The following ARHGAP26 variants were observed in gnomAD, a reference collection of about 807,000 sequenced individuals.
ARHGAP26 encodes the protein rho GTPase-activating protein 26.
Under a neutral mutation model 104.8 loss-of-function variants are expected in ARHGAP26, and 38 were observed. The observed-to-expected ratio is 0.36, with a 90% confidence interval of 0.28 to 0.48. The LOEUF is 0.48. Among genes scored for constraint, ARHGAP26 ranks in the 20% least tolerant of loss-of-function variants. The probability of loss-of-function intolerance (pLI) is 0.99; values close to 1 mark genes in which losing one functional copy is unlikely to be tolerated. For synonymous variants in ARHGAP26, 341 were observed against 340.0 expected (o/e 1.00, Z -0.03); for missense variants, 704 against 947.9 (o/e 0.74, Z 3.38).
At chr5:142,829,127 C>CT (rs1262558123) in intron 1 of ARHGAP26, among the ~76,000 whole-genome samples, 2 of 152,172 alleles carry the variant, frequency 1.3e-5, no homozygotes, top group Non-Finnish European at 2.9e-5. Context: ...GGAGAGGAGG[C>CT]TTTGAGATTT....
At chr5:143,220,911 G>A (rs144901276) in intron 22 of ARHGAP26, among the ~76,000 whole-genome samples, 136 of 152,304 alleles carry the variant, frequency 8.9e-4, no homozygotes, top group African/African-American at 3.2e-3. Context: ...ACTGAAACTA[G>A]AATTCTGTAG....
chr5:142,785,304 A>C (rs747649530), intron 1 of ARHGAP26, among the ~76,000 whole-genome samples: 3 of 152,184 alleles, frequency 2.0e-5, no homozygotes, highest in Non-Finnish European at 2.9e-5. Context: ...AGTGCATCCA[A>C]ACAATTTGCA....
At chr5:143,058,095 GAACA>G (rs1786123265) in intron 17 of ARHGAP26, 1 of 478,252 alleles carries the variant, frequency 2.1e-6, no homozygotes, top group Non-Finnish European at 4.1e-6. Flanking sequence ...TGCTCATCAA[GAACA>G]AACAAAAATA....
At chr5:143,206,552 A>G (rs1055801284) in intron 20 of ARHGAP26, among the ~76,000 whole-genome samples, 16 of 152,192 alleles carry the variant, frequency 1.1e-4, no homozygotes. Flanking sequence ...ATTCCACGAA[A>G]GGAGAAAGGG....
At chr5:142,820,089 C>A (rs1260243160) in intron 1 of ARHGAP26, among the ~76,000 whole-genome samples, 2 of 152,138 alleles carry the variant, frequency 1.3e-5, no homozygotes, top group African/African-American at 4.8e-5. Flanking sequence ...TTCCAATTTC[C>A]TTCCCCAGAG....
At chr5:143,083,796 G>C (rs1455397812) in intron 17 of ARHGAP26, among the ~76,000 whole-genome samples, 4 of 152,172 alleles carry the variant, frequency 2.6e-5, no homozygotes, top group Non-Finnish European at 5.9e-5. Flanking sequence ...ACTGCACCCA[G>C]CTGCTTTTTT....
chr5:143,072,808 G>T (rs1029933972), intron 17 of ARHGAP26, among the ~76,000 whole-genome samples: 1 of 152,152 alleles, frequency 6.6e-6, no homozygotes, highest in Admixed American at 6.5e-5. Flanking sequence ...ATTTGTTAAA[G>T]ATACAAAATT....
intron 11 of ARHGAP26, chr5:142,947,118 A>AAAAAAAAGAGAG (rs1336588621): frequency 6.9e-6 from 1 of 144,520 alleles, no homozygotes; most frequent in African/African-American, 2.7e-5. Context: ...AAAAAAAAAA[A>AAAAAAAAGAGAG]AGAGAGAGAG....
chr5:142,801,162 G>T (rs1358828946), intron 1 of ARHGAP26, among the ~76,000 whole-genome samples: 4 of 152,130 alleles, frequency 2.6e-5, no homozygotes, highest in African/African-American at 9.7e-5. Context: ...TTTTTTCTGG[G>T]CATAGCTTTG....
intron 14 of ARHGAP26, among the ~76,000 whole-genome samples, chr5:143,052,728 T>C (rs1012524988): frequency 6.6e-6 from 1 of 152,204 alleles, no homozygotes; most frequent in Non-Finnish European, 1.5e-5. Flanking sequence ...CCTGAAGCCA[T>C]TCATGAGTAT....
chr5:143,136,183 C>T (rs897554373), intron 19 of ARHGAP26, among the ~76,000 whole-genome samples: 1 of 152,266 alleles, frequency 6.6e-6, no homozygotes, highest in East Asian at 1.9e-4. Context: ...TCTGGGAGCT[C>T]ATAAGAATGA....
intron 11 of ARHGAP26, chr5:142,946,686 G>C (rs1011917900): frequency 6.6e-6 from 1 of 152,172 alleles, no homozygotes; most frequent in Non-Finnish European, 1.5e-5. Flanking sequence ...AAATTAGGTT[G>C]TTTGCTTTGT....
rs192245327 is a variant in ARHGAP26, at chr5:142,833,656, T to G, written c.155-39744T>G. 4.4e-3 allele frequency among the ~76,000 whole-genome samples: 675 copies of G among 152,304 alleles called. 4 individuals are homozygous for G. Among genetic ancestry groups the G allele is most frequent in the Middle Eastern group, 6.8e-3 (2 of 294 alleles). On this transcript the variant is annotated intron_variant, in intron 1 of 22. Coordinates refer to ENST00000645722, the MANE Select transcript of ARHGAP26 (RefSeq NM_001135608.3). ...GGGGACATCCTACCTACCGCTGATA[T>G]TTGCGCTCTTTCTGTGTGAGCAAGG...
intron 11 of ARHGAP26, among the ~76,000 whole-genome samples, chr5:142,959,058 T>A (rs1328054184): frequency 6.6e-6 from 1 of 152,168 alleles, no homozygotes; most frequent in African/African-American, 2.4e-5. Context: ...TGAGCACTTC[T>A]CTCATTTATA....
At chr5:143,216,583 G>A (rs1810383764) in intron 22 of ARHGAP26, 1 of 307,594 alleles carries the variant, frequency 3.3e-6, no homozygotes, top group Admixed American at 4.2e-5. Context: ...CATACAACAT[G>A]GTCGTCATCA....
intron 20 of ARHGAP26, among the ~76,000 whole-genome samples, chr5:143,163,791 C>A (rs1441683551): frequency 6.6e-6 from 1 of 152,034 alleles, no homozygotes; most frequent in Non-Finnish European, 1.5e-5. Flanking sequence ...CTCTTGTTCT[C>A]CAGGAGGCTT....
In ARHGAP26 at chr5:143,214,006, C is replaced by G; in HGVS notation, c.2109C>G (p.Phe703Leu). The stretch of plus-strand genomic sequence containing the variant: ...TCCTGTTTTCACACAGCACACCGTT[C>G]CGGAAGGCAAAAGCCTTGTATGCCT... ...SSDSSPVSTP[F>L]RKAKALYACK... Residue 703 changes from phenylalanine to leucine, a missense_variant, in exon 22 of 23, where the codon TTC becomes TTG. Physicochemically the swap from Phe to Leu is conservative, Grantham distance 22. This residue lies in a region of ARHGAP26 where 217 missense variants were observed against 242.6 expected (regional missense o/e 0.89). Coordinates refer to ENST00000645722, the MANE Select transcript of ARHGAP26 (RefSeq NM_001135608.3). The G allele has an allele frequency of 6.3e-7, 1 of 1,591,060 alleles. No homozygotes were observed. The highest frequency in any genetic ancestry group is 8.6e-7 in the Non-Finnish European group (1 of 1,163,732).
chr5:142,963,198 A>ATATGTG (rs869247749), intron 11 of ARHGAP26, among the ~76,000 whole-genome samples: 25 of 98,330 alleles, frequency 2.5e-4, no homozygotes, highest in African/African-American at 8.6e-4. Flanking sequence ...ATATATATAT[A>ATATGTG]TGTGTGTGTG....
intron 11 of ARHGAP26, among the ~76,000 whole-genome samples, chr5:143,008,746 C>T (rs1290902049): frequency 6.6e-6 from 1 of 152,196 alleles, no homozygotes; most frequent in African/African-American, 2.4e-5. Flanking sequence ...CAAATTTTTG[C>T]TTTACTTATG....
Sources: allele counts gnomAD v4.1 joint callset (sites outside exome capture counted in the v4.1 genomes callset), GRCh38; gene constraint gnomAD v4.1.1; regional missense constraint gnomAD v4.1.1; transcripts MANE v1.5; gene names NCBI Gene and HGNC (gene_info 2026-07-23, HGNC 2026-07-21).